KIF1C: variants seen among roughly 807,000 people sequenced by gnomAD.
The protein encoded by KIF1C is kinesin-like protein KIF1C.
Under a neutral mutation model 126.5 loss-of-function variants are expected in KIF1C, and 61 were observed. That is an observed-to-expected ratio of 0.48 (90% CI 0.39 to 0.60). The LOEUF (loss-of-function observed/expected upper bound fraction) is 0.60. KIF1C is among the 20% of genes least tolerant of loss of function. The pLI is 0.00. For synonymous variants in KIF1C, 640 were observed against 580.6 expected (o/e 1.10, Z -1.47); for missense variants, 1,315 against 1,489.2 (o/e 0.88, Z 1.93).
At chr17:5,013,754 G>A (rs776171877) in intron 17 of KIF1C, 22 bp downstream of exon 17, 1 of 1,599,894 alleles carries the variant, frequency 6.3e-7, no homozygotes, top group Non-Finnish European at 8.6e-7. Context: ...CCAGCGGCCT[G>A]GGGGGCAGCC....
At position 5,002,343 on chromosome 17, in the gene KIF1C, A is replaced by G. The variant is rs1974616093; in HGVS notation, c.430-121A>G. 2.8e-6 allele frequency: 3 copies of G among 1,055,704 alleles called. No individual in the cohort carries two copies. The South Asian group carries it at 4.4e-5, about 16-fold the overall frequency. The allele number at this position is 1,055,704 out of a possible 1,614,324, so 65.4% of individuals were successfully genotyped here. Reference sequence around the variant, plus strand: ...GGCAGGTCGCTGAGCTAGCATCTGCAGAATGCTTCGCACTGTGTATTAGCT... The same window carrying G: ...GGCAGGTCGCTGAGCTAGCATCTGCGGAATGCTTCGCACTGTGTATTAGCT... On this transcript the variant is annotated intron_variant, in intron 6 of 22. Transcript: ENST00000320785.
At position 5,022,159 on chromosome 17, in the gene KIF1C, C is replaced by A; in HGVS notation, c.2078C>A (p.Ser693Tyr). Residue 693 changes from serine to tyrosine, a missense_variant, in exon 22 of 23, where the codon TCC (serine) becomes TAC (tyrosine). Ser to Tyr is a moderately radical substitution (Grantham distance 144). This residue lies in a region of KIF1C where 874 missense variants were observed against 1,053.2 expected (regional missense o/e 0.83). Transcript: ENST00000320785. The surrounding 1 kb of genome is among the most constrained non-coding windows in gnomAD (Gnocchi z 4.9). Reference protein sequence around the residue: ...RSCEESWRLISSLREQLPPTT... With the variant: ...RSCEESWRLIYSLREQLPPTT... ...TGTGAAGAGAGCTGGAGGCTCATCT[C>A]CTCCTTGCGGGAGCAGCTGCCGCCC... The A allele has an allele frequency of 6.2e-7, 1 of 1,613,874 alleles. No individual in the cohort carries two copies.
intron 16 of KIF1C, among the ~76,000 whole-genome samples, chr17:5,012,959 C>T (rs1487121587): frequency 6.6e-6 from 1 of 152,086 alleles, no homozygotes; most frequent in Non-Finnish European, 1.5e-5. Flanking sequence ...TGGCTGGGGG[C>T]CTTAGGCAGG....
At chr17:5,004,729 G>T (rs1221522930) in intron 12 of KIF1C, 84 bp downstream of exon 12, 2 of 1,580,070 alleles carry the variant, frequency 1.3e-6, no homozygotes, top group African/African-American at 1.3e-5. Context: ...GACCCTGCTC[G>T]TGAGACGGGG....
In KIF1C at chr17:5,002,593, ACCT is replaced by A; in HGVS notation, c.563_565del (p.Ser188del). ...GCAGGACCTGTCCAAATTGGCTGTG[ACCT>A]CCTACGCAGACATTGCTGACCTCAT... On this transcript the variant is annotated inframe_deletion, in exon 7 of 23. Coordinates refer to ENST00000320785, the MANE Select transcript of KIF1C (RefSeq NM_006612.6). The A allele has an allele frequency of 6.2e-7, 1 of 1,613,774 alleles. No individual in the cohort carries two copies. Among genetic ancestry groups the A allele is most frequent in the East Asian group, 2.2e-5 (1 of 44,856 alleles).
At position 5,020,324 on chromosome 17, in the gene KIF1C, G is replaced by A. The variant is rs1370653664; in HGVS notation, c.1751-168G>A. Among the ~76,000 whole-genome samples the A allele has an allele frequency of 1.3e-5, 2 of 152,216 alleles. No individual in the cohort carries two copies. The highest frequency in any genetic ancestry group is 2.1e-4 in the South Asian group (1 of 4,834). On this transcript the variant is annotated intron_variant, in intron 19 of 22. Transcript: ENST00000320785. The surrounding 1 kb of genome is among the most constrained non-coding windows in gnomAD (Gnocchi z 5.8). ...CCCTTTGGTTGACAAGAATGGGGTT[G>A]GTCCCTGGGTGTCAGCCAGGGGAGC...
rs1397343455 is a variant in KIF1C, at chr17:5,003,638, T to G, written c.747T>G (p.Leu249=). ...TCAGTAAGATCAGTTTGGTGGACCT[T>G]GCTGGGAGTGAGCGAGCCGACTCCT... The part of the protein sequence containing the change: ...EKVSKISLVD[L]AGSERADSSG... Residue 249 remains leucine (L), a synonymous_variant, in exon 9 of 23, where the codon CTT becomes CTG. Coordinates refer to ENST00000320785, the MANE Select transcript of KIF1C (RefSeq NM_006612.6). The G allele has an allele frequency of 6.2e-7, 1 of 1,613,548 alleles. No individual in the cohort carries two copies. The highest frequency in any genetic ancestry group is 1.3e-5 in the African/African-American group (1 of 74,860).
chr17:5,018,059 T>C (rs564005404), intron 18 of KIF1C, among the ~76,000 whole-genome samples: 9 of 152,176 alleles, frequency 5.9e-5, no homozygotes, highest in African/African-American at 2.2e-4. Context: ...TGGTTCACTG[T>C]AGCCTCAACC....
rs1454815005 is a variant in KIF1C, at chr17:5,024,018, C to T, written c.3179C>T (p.Ser1060Phe). Reference sequence around the variant, plus strand: ...CACTTCCAGCCCAAAAAGCACAACTCTTATCCCCAGCCACCCCAACCCTAC... The same window carrying T: ...CACTTCCAGCCCAAAAAGCACAACTTTTATCCCCAGCCACCCCAACCCTAC... ...PQHFQPKKHN[S>F]YPQPPQPYPA... Residue 1060 changes from serine (S) to phenylalanine (F), a missense_variant, in exon 23 of 23, where the codon TCT (serine) becomes TTT (phenylalanine). Ser to Phe is a radical substitution (Grantham distance 155, BLOSUM62 -2). Coordinates refer to ENST00000320785, the MANE Select transcript of KIF1C (RefSeq NM_006612.6). 6.2e-7 allele frequency: 1 copy of T among 1,601,328 alleles called. No homozygotes were observed. The highest frequency in any genetic ancestry group is 2.3e-5 in the East Asian group (1 of 44,340).
chr17:5,020,872 G>T lies in KIF1C; in HGVS notation c.2004G>T (p.Gln668His), dbSNP rs1347985608. Residue 668 changes from glutamine (Q) to histidine (H), a missense_variant, in exon 21 of 23, where the codon CAG becomes CAT. By Grantham distance (24) the Gln-to-His change is conservative. Around this residue, in one of 2 missense-constraint regions of KIF1C, gnomAD observed 874 missense variants for 1,053.2 expected, o/e 0.83. Transcript: ENST00000320785. This position sits in a 1 kb window ranked among gnomAD's most constrained non-coding sequence, Gnocchi z 5.8. ...AAGCCGATCTTCTGCTGGAGCAGCAGCGACTGGTGAGGGGCAGCAGGGGCT... is the reference window on the plus strand; with the variant it reads ...AAGCCGATCTTCTGCTGGAGCAGCATCGACTGGTGAGGGGCAGCAGGGGCT... ...KEEADLLLEQ[Q>H]RLYADSDSGD... 1.3e-6 allele frequency: 2 copies of T among 1,578,216 alleles called. No individual in the cohort carries two copies. Among genetic ancestry groups the T allele is most frequent in the South Asian group, 2.3e-5 (2 of 86,740 alleles).
chr17:5,001,246 C>T lies in KIF1C; in HGVS notation c.208C>T (p.Gln70Ter), dbSNP rs1186425348. 6.2e-7 allele frequency: 1 copy of T among 1,614,000 alleles called. No individual in the cohort carries two copies. The highest frequency in any genetic ancestry group is 8.5e-7 in the Non-Finnish European group (1 of 1,179,992). ...TSTEDPQFAS[Q>*]QQVYRDIGEE... is the part of the protein sequence containing the mutation. Reference sequence around the variant, plus strand: ...GACGGAGGACCCCCAGTTTGCATCTCAGCAGCAAGTGTATCGGGACATTGG... The same window carrying T: ...GACGGAGGACCCCCAGTTTGCATCTTAGCAGCAAGTGTATCGGGACATTGG... The change falls in exon 5 of 23, where the codon CAG becomes TAG. Residue 70 changes from glutamine (Q) to a stop codon, truncating the protein, a stop_gained. Transcript: ENST00000320785. LOFTEE classifies it high-confidence loss of function.
At chr17:5,009,786 CAA>C (rs1213067279) in intron 16 of KIF1C, among the ~76,000 whole-genome samples, 18 of 89,708 alleles carry the variant, frequency 2.0e-4, no homozygotes, top group Admixed American at 2.4e-4. Context: ...GACTCTGTCT[CAA>C]AAAAAAAAAA....
intron 13 of KIF1C, among the ~76,000 whole-genome samples, chr17:5,005,300 ATTG>A (rs1170663398): frequency 1.3e-5 from 2 of 152,244 alleles, no homozygotes. Context: ...CAAACAGTAA[ATTG>A]TTAAGAGGCT....
At position 5,022,014 on chromosome 17, in the gene KIF1C, C is replaced by T; in HGVS notation, c.2011-78C>T. 2.0e-6 allele frequency: 3 copies of T among 1,473,804 alleles called. No individual in the cohort carries two copies. The South Asian group carries it at 3.9e-5, about 19-fold the overall frequency. 91.3% of individuals were successfully genotyped at this position (1,473,804 alleles called of 1,614,324 possible). A position where few individuals can be genotyped will look rare whatever the true frequency, so the allele number is the denominator to read the frequency against. Reference sequence around the variant, plus strand: ...CCCTGATGGGCGTGTTTCCAGTGTACTTAGGACACACTGGGCCAAGACACA... The same window carrying T: ...CCCTGATGGGCGTGTTTCCAGTGTATTTAGGACACACTGGGCCAAGACACA... On this transcript the variant is annotated intron_variant, in intron 21 of 22. Transcript: ENST00000320785. This position sits in a 1 kb window ranked among gnomAD's most constrained non-coding sequence, Gnocchi z 4.9.
rs911778822 is a variant in KIF1C, at chr17:5,024,308, G to A, written c.*157G>A. 2.3e-5 allele frequency: 13 copies of A among 555,866 alleles called. No individual in the cohort carries two copies. Among genetic ancestry groups the A allele is most frequent in the South Asian group, 7.8e-5 (3 of 38,708 alleles). 34.4% of individuals were successfully genotyped at this position (555,866 alleles called of 1,614,324 possible). ...TAGAAGACAAGGGGGAGACCGAGCCGGAGGCTGAGGAAAGGAAGAGGGCAC... is the reference window on the plus strand; with the variant it reads ...TAGAAGACAAGGGGGAGACCGAGCCAGAGGCTGAGGAAAGGAAGAGGGCAC... On this transcript the variant is annotated 3_prime_UTR_variant, in exon 23 of 23. Transcript: ENST00000320785.
chr17:5,004,169 A>G (rs1183153427), intron 11 of KIF1C, 96 bp downstream of exon 11: 1 of 927,618 alleles, frequency 1.1e-6, no homozygotes, highest in East Asian at 2.4e-5. Flanking sequence ...GAGAATCCCA[A>G]ATCCCGTTGT....
rs1974548430 is a variant in KIF1C at position 5,000,305 on chromosome 17, C to A, written c.59C>A (p.Thr20Asn). ...VRVRPFNARETSQDAKCVVSM... is the reference protein window; with the variant it reads ...VRVRPFNARENSQDAKCVVSM... ...GTTCGGCCCTTTAACGCCCGTGAGA[C>A]CAGCCAGGATGCCAAGTGTGTGGTC... is the stretch of plus-strand genomic sequence containing the variant. The change falls in exon 3 of 23, where the codon ACC becomes AAC. Residue 20 changes from threonine (T) to asparagine (N), a missense_variant. By Grantham distance (65) the Thr-to-Asn change is moderately conservative. Around this residue, in one of 2 missense-constraint regions of KIF1C, gnomAD observed 874 missense variants for 1,053.2 expected, o/e 0.83. Transcript: ENST00000320785. 1 of 1,594,434 alleles carries A rather than the reference C, an allele frequency of 6.3e-7. No homozygotes were observed. The highest frequency in any genetic ancestry group is 1.1e-5 in the South Asian group (1 of 87,726).
chr17:5,008,508 G>C (rs916044448), intron 16 of KIF1C, among the ~76,000 whole-genome samples: 2 of 152,222 alleles, frequency 1.3e-5, no homozygotes, highest in Non-Finnish European at 2.9e-5. Flanking sequence ...TGTGCTCTGA[G>C]CCAGACAGTG....
rs181938658 is a variant in KIF1C, at chr17:5,018,586, G to A, written c.1667-1410G>A. ...TGCCTGTAATCCCAGCTACTCAGGA[G>A]GCTGAGGCAGGAGAATTGCTTGAAC... On this transcript the variant is annotated intron_variant, in intron 18 of 22. Coordinates refer to ENST00000320785, the MANE Select transcript of KIF1C (RefSeq NM_006612.6). Among the ~76,000 whole-genome samples, 1,477 of 152,074 alleles carry A rather than the reference G, an allele frequency of 9.7e-3. 75 individuals are homozygous for A. Among genetic ancestry groups the A allele is most frequent in the Admixed American group, 0.092 (1,411 of 15,284 alleles).
Sources: allele counts gnomAD v4.1 joint callset (sites outside exome capture counted in the v4.1 genomes callset), GRCh38; gene constraint gnomAD v4.1.1; regional missense constraint gnomAD v4.1.1; non-coding constraint Gnocchi (gnomAD v3.1); transcripts MANE v1.5; gene names NCBI Gene and HGNC (gene_info 2026-07-23, HGNC 2026-07-21).